DENND1A: variants seen among roughly 807,000 people sequenced by gnomAD.
DENND1A encodes DENN domain-containing protein 1A.
Under a neutral mutation model 113.7 loss-of-function variants are expected in DENND1A, and 51 were observed. That is an observed-to-expected ratio of 0.45 (90% CI 0.36 to 0.57). The LOEUF (loss-of-function observed/expected upper bound fraction) is 0.57. DENND1A is among the 20% of genes least tolerant of loss of function. DENND1A has a pLI of 0.00. For synonymous variants in DENND1A, 565 were observed against 570.8 expected, an observed-to-expected ratio of 0.99 and a Z score of 0.14; for missense variants, 1,258 against 1,395.9, an observed-to-expected ratio of 0.90 and a Z score of 1.57.
chr9:123,441,548 G>A (rs1226739792), intron 18 of DENND1A, among the ~76,000 whole-genome samples: 2 of 152,164 alleles, frequency 1.3e-5, no homozygotes, highest in African/African-American at 4.8e-5. Context: ...ACCACAATGT[G>A]CAAAAGGCAG....
intron 2 of DENND1A, among the ~76,000 whole-genome samples, chr9:123,871,455 T>C (rs1165421305): frequency 2.6e-5 from 4 of 152,210 alleles, no homozygotes; most frequent in Admixed American, 2.0e-4. Flanking sequence ...ATCACAGATA[T>C]TCAGGTGAAG....
At chr9:123,902,920 A>G (rs1851942195) in intron 1 of DENND1A, among the ~76,000 whole-genome samples, 1 of 152,184 alleles carries the variant, frequency 6.6e-6, no homozygotes, top group Non-Finnish European at 1.5e-5. Context: ...ATAAAACAAA[A>G]TATTAGTAAA....
chr9:123,458,569 T>C (rs1588633843), intron 13 of DENND1A, among the ~76,000 whole-genome samples: 1 of 152,160 alleles, frequency 6.6e-6, no homozygotes, highest in Non-Finnish European at 1.5e-5. Context: ...CCAAGGGCTA[T>C]TTAGGGAGAC....
chr9:123,845,795 A>G, intron 2 of DENND1A, among the ~76,000 whole-genome samples: 1 of 152,108 alleles, frequency 6.6e-6, no homozygotes, highest in East Asian at 1.9e-4. Flanking sequence ...GAAATAAATC[A>G]TTGTAACTTT....
intron 20 of DENND1A, among the ~76,000 whole-genome samples, chr9:123,406,548 T>A (rs1228334065): frequency 6.6e-6 from 1 of 152,244 alleles, no homozygotes; most frequent in East Asian, 1.9e-4. Context: ...GCAAGATTTT[T>A]AGAAACGAAT....
At chr9:123,658,004 T>C (rs2063048301) in intron 8 of DENND1A, among the ~76,000 whole-genome samples, 1 of 152,200 alleles carries the variant, frequency 6.6e-6, no homozygotes, top group South Asian at 2.1e-4. Flanking sequence ...AGAGCAACAA[T>C]GGAATTCTCT....
intron 2 of DENND1A, among the ~76,000 whole-genome samples, chr9:123,813,094 C>T (rs770649012): frequency 3.1e-4 from 47 of 152,132 alleles, no homozygotes; most frequent in South Asian, 4.2e-4. Context: ...GGACCACAGG[C>T]GCACACCACC....
chr9:123,415,264 C>T (rs1179100559), intron 19 of DENND1A, among the ~76,000 whole-genome samples: 4 of 152,114 alleles, frequency 2.6e-5, no homozygotes, highest in South Asian at 4.2e-4. Context: ...GTTGTCGGCA[C>T]GAGGGGATCC....
intron 10 of DENND1A, among the ~76,000 whole-genome samples, chr9:123,626,234 A>T (rs1156816930): frequency 6.6e-6 from 1 of 151,960 alleles, no homozygotes; most frequent in Non-Finnish European, 1.5e-5. Flanking sequence ...TGTGGTGTGT[A>T]TGGGCGGGGG....
intron 2 of DENND1A, among the ~76,000 whole-genome samples, chr9:123,841,772 T>G (rs1841873801): frequency 6.6e-6 from 1 of 152,146 alleles, no homozygotes; most frequent in African/African-American, 2.4e-5. Context: ...TACCTAGTTT[T>G]TAAAGATATT....
At chr9:123,636,723 A>G in intron 9 of DENND1A, among the ~76,000 whole-genome samples, 1 of 142,668 alleles carries the variant, frequency 7.0e-6, no homozygotes, top group East Asian at 2.0e-4. Flanking sequence ...TTTTTGAGAC[A>G]GAGTTTCACT....
At chr9:123,605,718 A>T (rs1283807369) in intron 11 of DENND1A, among the ~76,000 whole-genome samples, 1 of 152,244 alleles carries the variant, frequency 6.6e-6, no homozygotes, top group Non-Finnish European at 1.5e-5. Flanking sequence ...ATGAACCAGA[A>T]TTAGGTCTTT....
At chr9:123,889,373 G>T (rs937100078) in intron 1 of DENND1A, among the ~76,000 whole-genome samples, 6 of 152,062 alleles carry the variant, frequency 3.9e-5, no homozygotes, top group African/African-American at 1.4e-4. Context: ...AATGTAAAGG[G>T]TATTATCACG....
At chr9:123,483,988 C>T (rs900008447) in intron 13 of DENND1A, among the ~76,000 whole-genome samples, 7 of 152,156 alleles carry the variant, frequency 4.6e-5, no homozygotes, top group African/African-American at 1.2e-4. Context: ...TCCTGGTCAT[C>T]GGAGCCATGC....
At chr9:123,454,635 G>T in intron 16 of DENND1A, 104 bp downstream of exon 16, 2 of 1,166,022 alleles carry the variant, frequency 1.7e-6, no homozygotes, top group Non-Finnish European at 2.5e-6. Flanking sequence ...CTCCAGCAGA[G>T]AGAATGGAGT....
At chr9:123,895,280 T>G (rs373337210) in intron 1 of DENND1A, among the ~76,000 whole-genome samples, 1 of 152,040 alleles carries the variant, frequency 6.6e-6, no homozygotes, top group African/African-American at 2.4e-5. Context: ...AAATAATGGT[T>G]TTTTTCCATC....
chr9:123,716,380 A>G (rs2141038733), intron 5 of DENND1A, among the ~76,000 whole-genome samples: 1 of 152,306 alleles, frequency 6.6e-6, no homozygotes, highest in East Asian at 1.9e-4. Context: ...TCTCATTTTC[A>G]GCATTAGCTA....
chr9:123,655,089 C>A (rs1000123353), intron 8 of DENND1A, among the ~76,000 whole-genome samples: 4 of 152,204 alleles, frequency 2.6e-5, no homozygotes, highest in African/African-American at 9.7e-5. Flanking sequence ...TCGAATGCCC[C>A]ACTCTTCCTT....
rs1214457948 is a variant in DENND1A at position 123,588,266 on chromosome 9, A to G, written c.766-4996T>C. 1.3e-4 allele frequency among the ~76,000 whole-genome samples: 18 copies of G among 138,596 alleles called. 1 individual carries two copies. The East Asian group carries it at 1.5e-3, about 11-fold the overall frequency. The allele number at this position is 138,596 out of a possible 152,430, so 90.9% of individuals were successfully genotyped here. ...CTCCAGCACTCCAGCTTGGACAATA[A>G]GAGTGAAACTCTGTCTCAAAAAAAA... On this transcript the variant is annotated intron_variant, in intron 11 of 23. Transcript: ENST00000394215.
Sources: allele counts gnomAD v4.1 joint callset (sites outside exome capture counted in the v4.1 genomes callset), GRCh38; gene constraint gnomAD v4.1.1; transcripts MANE v1.5; gene names NCBI Gene and HGNC (gene_info 2026-07-23, HGNC 2026-07-21).